CAMK1D: variants seen among roughly 807,000 people sequenced by gnomAD.
CAMK1D encodes calcium/calmodulin-dependent protein kinase type 1D.
In CAMK1D, 9 loss-of-function variants were observed where a neutral mutation model predicts 47.7. The observed-to-expected ratio is 0.19, with a 90% CI of 0.11 to 0.33. CAMK1D has a LOEUF of 0.33. Ranked by LOEUF, CAMK1D falls within the 10% of genes least tolerant of loss-of-function variation. The pLI is 1.00. For missense variants in CAMK1D, 291 were observed against 488.7 expected (o/e 0.60, Z 3.81); for synonymous variants, 184 against 184.9 (o/e 0.99, Z 0.04).
chr10:12,694,573 TA>T (rs1431182321), intron 3 of CAMK1D, among the ~76,000 whole-genome samples: 4 of 96,078 alleles, frequency 4.2e-5, no homozygotes, highest in East Asian at 3.0e-4. Context: ...ATATAATATA[TA>T]AAAATATATC....
At chr10:12,612,311 C>T (rs985216667) in intron 2 of CAMK1D, among the ~76,000 whole-genome samples, 3 of 151,270 alleles carry the variant, frequency 2.0e-5, no homozygotes, top group African/African-American at 4.9e-5. Flanking sequence ...CATCTGTTGT[C>T]CCAAATTGGG....
intron 1 of CAMK1D, among the ~76,000 whole-genome samples, chr10:12,522,119 C>T (rs149122317): frequency 2.6e-3 from 395 of 150,482 alleles, no homozygotes; most frequent in African/African-American, 9.0e-3. Flanking sequence ...ATTTGCTTTG[C>T]GTTGATCTCT....
intron 1 of CAMK1D, among the ~76,000 whole-genome samples, chr10:12,351,492 G>A (rs1837354120): frequency 6.6e-6 from 1 of 152,188 alleles, no homozygotes; most frequent in African/African-American, 2.4e-5. Flanking sequence ...GGCCGCCAAT[G>A]AGGAGATGGG....
At chr10:12,704,953 A>G (rs993109477) in intron 3 of CAMK1D, among the ~76,000 whole-genome samples, 2 of 152,188 alleles carry the variant, frequency 1.3e-5, no homozygotes, top group African/African-American at 4.8e-5. Context: ...GGCAGAATCA[A>G]AATATAGAGG....
intron 3 of CAMK1D, among the ~76,000 whole-genome samples, chr10:12,686,193 A>G (rs1229052258): frequency 1.3e-5 from 2 of 152,216 alleles, no homozygotes. Context: ...CATCTGTGCC[A>G]TATACATATT....
At chr10:12,701,035 A>T (rs761256929) in intron 3 of CAMK1D, among the ~76,000 whole-genome samples, 1 of 151,972 alleles carries the variant, frequency 6.6e-6, no homozygotes, top group Middle Eastern at 3.4e-3. Context: ...CCAAGCTGTT[A>T]TTGGCTATGA....
intron 1 of CAMK1D, among the ~76,000 whole-genome samples, chr10:12,490,998 G>A (rs1834366386): frequency 6.6e-6 from 1 of 152,140 alleles, no homozygotes; most frequent in Admixed American, 6.5e-5. Context: ...ATAAACTCAT[G>A]TATAGGTGGG....
At chr10:12,714,481 G>A (rs1334857818) in intron 3 of CAMK1D, among the ~76,000 whole-genome samples, 2 of 152,102 alleles carry the variant, frequency 1.3e-5, no homozygotes, top group Non-Finnish European at 2.9e-5. Flanking sequence ...AGCACTTTGG[G>A]GGGCCAAGGC....
At position 12,475,185 on chromosome 10, in the gene CAMK1D, A is replaced by T. The variant is rs1183559442; in HGVS notation, c.93-78040A>T. Among the ~76,000 whole-genome samples the T allele has an allele frequency of 2.6e-5, 4 of 152,250 alleles. No individual in the cohort carries two copies. In the East Asian group the frequency reaches 7.7e-4, roughly 29 times the overall value. The stretch of plus-strand genomic sequence containing the variant: ...TGTGCAGTTCGGTGGCATTGAGTAC[A>T]TTCACATTATTGCGCAACCATCACC... On this transcript the variant is annotated intron_variant, in intron 1 of 10. Transcript: ENST00000619168.
chr10:12,487,218 T>C (rs1388627754), intron 1 of CAMK1D, among the ~76,000 whole-genome samples: 4 of 152,198 alleles, frequency 2.6e-5, no homozygotes, highest in Admixed American at 1.3e-4. Flanking sequence ...CCTCGCATTA[T>C]GTTCATATGT....
At chr10:12,595,958 G>A (rs951609735) in intron 2 of CAMK1D, among the ~76,000 whole-genome samples, 5 of 152,076 alleles carry the variant, frequency 3.3e-5, no homozygotes, top group African/African-American at 1.2e-4. Context: ...TCTCTGCTTG[G>A]GGGAGAGTCA....
chr10:12,531,704 T>C (rs1278167280), intron 1 of CAMK1D, among the ~76,000 whole-genome samples: 3 of 152,218 alleles, frequency 2.0e-5, no homozygotes, highest in Non-Finnish European at 4.4e-5. Flanking sequence ...AGACTAATTA[T>C]AACTGAGGAA....
intron 1 of CAMK1D, among the ~76,000 whole-genome samples, chr10:12,389,901 A>G (rs1838662222): frequency 6.6e-6 from 1 of 151,498 alleles, no homozygotes; most frequent in African/African-American, 2.4e-5. Flanking sequence ...CATCATAGGC[A>G]CTTGTAGTAG....
intron 3 of CAMK1D, among the ~76,000 whole-genome samples, chr10:12,699,472 C>T (rs143772692): frequency 1.3e-5 from 2 of 152,216 alleles, no homozygotes; most frequent in African/African-American, 2.4e-5. Context: ...GTTGAGATCT[C>T]TGCTCTTGTC....
At chr10:12,754,016 G>A (rs766237331) in intron 3 of CAMK1D, among the ~76,000 whole-genome samples, 93 of 152,130 alleles carry the variant, frequency 6.1e-4, no homozygotes, top group Middle Eastern at 6.8e-3. Flanking sequence ...TCAGCCTCCC[G>A]AGTAGCTGGG....
intron 3 of CAMK1D, among the ~76,000 whole-genome samples, chr10:12,744,110 C>G (rs1234851704): frequency 2.0e-5 from 3 of 151,990 alleles, no homozygotes; most frequent in African/African-American, 7.2e-5. Context: ...GGTTCCTTCC[C>G]TTAGCATAAT....
At position 12,734,372 on chromosome 10, in the gene CAMK1D, A is replaced by C. The variant is rs1471580183; in HGVS notation, c.300-26576A>C. Among the ~76,000 whole-genome samples, 20 of 26,516 alleles carry C rather than the reference A, an allele frequency of 7.5e-4. 2 individuals carry two copies. The highest frequency in any genetic ancestry group is 2.6e-3 in the African/African-American group (17 of 6,464). 17.4% of individuals were successfully genotyped at this position (26,516 alleles called of 152,430 possible). On this transcript the variant is annotated intron_variant, in intron 3 of 10. Coordinates refer to ENST00000619168, the MANE Select transcript of CAMK1D (RefSeq NM_153498.4). The stretch of plus-strand genomic sequence containing the variant: ...TATATATATATATATATATATATAT[A>C]TATATAGATATAGATATAGATATAT...
chr10:12,487,462 G>A (rs755880055), intron 1 of CAMK1D, among the ~76,000 whole-genome samples: 1 of 152,212 alleles, frequency 6.6e-6, no homozygotes, highest in Non-Finnish European at 1.5e-5. Context: ...TTCATGGACT[G>A]TCCTCTAACA....
At chr10:12,545,757 A>G (rs1348128715) in intron 1 of CAMK1D, among the ~76,000 whole-genome samples, 1 of 150,282 alleles carries the variant, frequency 6.7e-6, no homozygotes, top group African/African-American at 2.5e-5. Flanking sequence ...CCACGATGGC[A>G]GCACTGCACT....
Sources: gnomAD v4.1 joint callset for allele counts (sites outside exome capture counted in the v4.1 genomes callset) on GRCh38, gnomAD v4.1.1 for gene constraint, MANE v1.5 for transcripts, NCBI Gene and HGNC (gene_info 2026-07-23, HGNC 2026-07-21) for gene names.